Variants in COPRS observed in about 807,000 individuals in gnomAD.
COPRS encodes coordinator of PRMT5 and differentiation stimulator, also known as cooperator of PRMT5.
COPRS carries 11 observed loss-of-function variants against 19.9 expected under a neutral mutation model. The ratio of observed to expected loss-of-function variants is 0.55; its 90% CI spans 0.35 to 0.92. COPRS has a LOEUF of 0.92. COPRS is among the 40% of genes least tolerant of loss of function. The probability of loss-of-function intolerance (pLI) is 0.01; values close to 1 mark genes in which losing one functional copy is unlikely to be tolerated. For missense variants in COPRS, 225 were observed against 229.9 expected, an observed-to-expected ratio of 0.98 and a Z score of 0.14; for synonymous variants, 81 against 82.7, an observed-to-expected ratio of 0.98 and a Z score of 0.11.
chr17:31,852,175 G>C lies in COPRS; in HGVS notation c.519C>G (p.Val173=). The C allele has an allele frequency of 6.2e-7, 1 of 1,614,120 alleles. No homozygotes were observed. Residue 173 remains valine (V), a synonymous_variant, in exon 4 of 4, where the codon GTC becomes GTG. Transcript: ENST00000302362. ...CATCGTCAAACTGTCCTGTTTCAAA[G>C]ACCATCTTGGAATAATAGGGTATCA... ...PPLIPYYSKM[V]FETGQFDDAE... is the part of the protein sequence containing the mutation.
chr17:31,856,553 T>C, intron 2 of COPRS: 1 of 534,938 alleles, frequency 1.9e-6, no homozygotes, highest in East Asian at 3.5e-5. Flanking sequence ...GAGACTGCTG[T>C]ACTATTTTCA....
At chr17:31,858,477 T>C (rs1909428806) in intron 1 of COPRS, 1 of 892,200 alleles carries the variant, frequency 1.1e-6, no homozygotes, top group Admixed American at 6.2e-5. Context: ...AGAGGGTTCC[T>C]ACCTTCAAGC....
At chr17:31,854,209 A>T (rs1377894211) in intron 2 of COPRS, among the ~76,000 whole-genome samples, 2 of 152,002 alleles carry the variant, frequency 1.3e-5, no homozygotes, top group African/African-American at 4.8e-5. Context: ...CTCTACAAAA[A>T]ATTCAAAAAA....
intron 1 of COPRS, 114 bp downstream of exon 1, chr17:31,858,987 C>G (rs1909450285): frequency 6.8e-6 from 9 of 1,318,950 alleles, no homozygotes; most frequent in Non-Finnish European, 8.6e-6. Flanking sequence ...CGGGGCGGCC[C>G]GAGGCCGGCC....
intron 1 of COPRS, 112 bp downstream of exon 1, chr17:31,858,989 A>C (rs1452916536): frequency 7.6e-7 from 1 of 1,315,928 alleles, no homozygotes; most frequent in African/African-American, 1.6e-5. Context: ...GGGCGGCCCG[A>C]GGCCGGCCAG....
intron 1 of COPRS, chr17:31,858,453 C>T: frequency 2.7e-5 from 26 of 965,018 alleles, no homozygotes; most frequent in Non-Finnish European, 3.1e-5. Flanking sequence ...CTAGGCTGTG[C>T]AAACAGCCCT....
At chr17:31,857,385 C>T (rs1197814308) in intron 1 of COPRS, among the ~76,000 whole-genome samples, 3 of 152,198 alleles carry the variant, frequency 2.0e-5, no homozygotes, top group Non-Finnish European at 4.4e-5. Context: ...CCCCCAGGTA[C>T]ACGTTTTACC....
intron 1 of COPRS, 170 bp downstream of exon 1, chr17:31,858,931 T>G (rs1909447996): frequency 6.9e-7 from 1 of 1,452,680 alleles, no homozygotes; most frequent in Non-Finnish European, 9.0e-7. Context: ...CCCCGCGGCC[T>G]GGCCGTTTTC....
In COPRS at chr17:31,856,584, C is replaced by A. The variant is rs757273288; in HGVS notation, c.166+215G>T. On this transcript the variant is annotated intron_variant, in intron 2 of 3. Coordinates refer to ENST00000302362, the MANE Select transcript of COPRS (RefSeq NM_018405.4). ...TTTCACCGTTTCAAGCTGTTTCTCT[C>A]GGTAGAAGGATGGATTTGAACATAA... The A allele has an allele frequency of 3.1e-5, 19 of 608,288 alleles. No homozygotes were observed. In the African/African-American group the frequency reaches 3.6e-4, roughly 11 times the overall value. The allele number at this position is 608,288 out of a possible 1,614,324, so 37.7% of individuals were successfully genotyped here. A position where few individuals can be genotyped will look rare whatever the true frequency, so the allele number is the denominator to read the frequency against.
chr17:31,853,106 G>T, intron 2 of COPRS, 76 bp from the exon 3 acceptor site: 1 of 1,057,612 alleles, frequency 9.5e-7, no homozygotes, highest in Non-Finnish European at 1.5e-6. Flanking sequence ...ATTTTGGGCA[G>T]ACTTACTACG....
chr17:31,856,085 A>G (rs944964569), intron 2 of COPRS, among the ~76,000 whole-genome samples: 1 of 151,550 alleles, frequency 6.6e-6, no homozygotes, highest in Non-Finnish European at 1.5e-5. Flanking sequence ...CAGTAATCCC[A>G]GCACTTTGGG....
chr17:31,851,971 G>A lies in COPRS; in HGVS notation c.*168C>T. ...CCATTAAGAACAACAACAGACTGGC[G>A]AGAATGACGGGGCCTTATTGAACAC... On this transcript the variant is annotated 3_prime_UTR_variant, in exon 4 of 4. Coordinates refer to ENST00000302362, the MANE Select transcript of COPRS (RefSeq NM_018405.4). The A allele has an allele frequency of 3.1e-6, 2 of 653,328 alleles. No individual in the cohort carries two copies. Among genetic ancestry groups the A allele is most frequent in the Non-Finnish European group, 5.2e-6 (2 of 386,444 alleles). The allele number at this position is 653,328 out of a possible 1,614,324, so 40.5% of individuals were successfully genotyped here.
At chr17:31,857,785 A>G (rs1381053165) in intron 1 of COPRS, among the ~76,000 whole-genome samples, 1 of 152,222 alleles carries the variant, frequency 6.6e-6, no homozygotes, top group Non-Finnish European at 1.5e-5. Context: ...CAGGGGACTT[A>G]TGATTAGACA....
intron 2 of COPRS, chr17:31,856,476 A>G (rs1909356015): frequency 2.8e-6 from 1 of 356,366 alleles, no homozygotes; most frequent in Admixed American, 4.9e-5. Flanking sequence ...TATAGGAGGA[A>G]AAAAAAGCAG....
In COPRS at chr17:31,853,035, A is replaced by G. The variant is rs1909213103; in HGVS notation, c.167-5T>C. 1 of 1,608,556 alleles carries G rather than the reference A, an allele frequency of 6.2e-7. No individual in the cohort carries two copies. The highest frequency in any genetic ancestry group is 2.2e-5 in the East Asian group (1 of 44,842). ...GAATGCTCTGTGTTCCACGGGCTAA[A>G]TTGACAAAGAGAAGATGGCCTTAGT... is the stretch of plus-strand genomic sequence containing the variant. On this transcript the variant is annotated splice_region_variant and splice_polypyrimidine_tract_variant and intron_variant, in intron 2 of 3. Transcript: ENST00000302362.
chr17:31,857,032 G>A (rs1909380039), intron 1 of COPRS, among the ~76,000 whole-genome samples, 167 bp from the exon 2 acceptor site: 1 of 152,198 alleles, frequency 6.6e-6, no homozygotes, highest in Non-Finnish European at 1.5e-5. Flanking sequence ...GAGCAAGGCT[G>A]GAGGGAGATG....
chr17:31,858,331 T>A (rs1909424825), intron 1 of COPRS: 4 of 982,182 alleles, frequency 4.1e-6, no homozygotes, highest in Non-Finnish European at 4.8e-6. Flanking sequence ...CACTCCAAAG[T>A]AATTTTCTTT....
In COPRS at chr17:31,852,083, G is replaced by T; in HGVS notation, c.*56C>A. The T allele has an allele frequency of 6.2e-7, 1 of 1,602,998 alleles. No homozygotes were observed. The highest frequency in any genetic ancestry group is 8.5e-7 in the Non-Finnish European group (1 of 1,171,956). On this transcript the variant is annotated 3_prime_UTR_variant, in exon 4 of 4. Coordinates refer to ENST00000302362, the MANE Select transcript of COPRS (RefSeq NM_018405.4). ...GATATGACTTTTCACCTCCAAGACA[G>T]GAAAAGAGATCTTGACGTGGAGGCC...
intron 2 of COPRS, among the ~76,000 whole-genome samples, chr17:31,853,383 T>G (rs1375049687): frequency 7.3e-6 from 1 of 136,696 alleles, no homozygotes; most frequent in East Asian, 2.0e-4. Flanking sequence ...GTTTTTGCTC[T>G]TTTTTTTTTT....
Sources: gnomAD v4.1 joint callset for allele counts (sites outside exome capture counted in the v4.1 genomes callset) on GRCh38, gnomAD v4.1.1 for gene constraint, MANE v1.5 for transcripts, NCBI Gene and HGNC (gene_info 2026-07-23, HGNC 2026-07-21) for gene names.